NOL9: variants seen among roughly 807,000 people sequenced by gnomAD.
NOL9 encodes polynucleotide 5'-hydroxyl-kinase NOL9.
In NOL9, 28 loss-of-function variants were observed where a neutral mutation model predicts 67.9. That is an observed-to-expected ratio of 0.41 (90% CI 0.31 to 0.57). The LOEUF is 0.57. Ranked by LOEUF, NOL9 falls within the 20% of genes least tolerant of loss-of-function variation. The pLI, the probability that NOL9 is intolerant of heterozygous loss-of-function variation, is 0.25. For missense variants in NOL9, 777 were observed against 897.0 expected, an observed-to-expected ratio of 0.87 and a Z score of 1.71; for synonymous variants, 356 against 352.2, an observed-to-expected ratio of 1.01 and a Z score of -0.12.
intron 7 of NOL9, 56 bp downstream of exon 7, chr1:6,533,224 C>G (rs1639073939): frequency 6.7e-7 from 1 of 1,485,712 alleles, no homozygotes. Context: ...ATGTCTGAAA[C>G]CAACAGTACT....
Position 6,541,010 on chromosome 1 carries a change from C to CTTTTTTTTTTTTTTTTTTTTTTT in NOL9, c.1075+819_1075+820insAAAAAAAAAAAAAAAAAAAAAAA, listed in dbSNP as rs1287698159. On this transcript the variant is annotated intron_variant, in intron 6 of 11. Transcript: ENST00000377705. ...ATAAAATCTGTAGACTGGTTAACAGCGTTTTTTTTTTTTTTTTTTTTTTTG... is the reference window on the plus strand; with the variant it reads ...ATAAAATCTGTAGACTGGTTAACAGCTTTTTTTTTTTTTTTTTTTTTTTGTTTTTTTTTTTTTTTTTTTTTTTG... The CTTTTTTTTTTTTTTTTTTTTTTT allele has an allele frequency of 5.7e-5, 7 of 123,092 alleles. 2 individuals are homozygous for CTTTTTTTTTTTTTTTTTTTTTTT. The highest frequency in any genetic ancestry group is 5.0e-5 in the Non-Finnish European group (3 of 60,462). The allele number at this position is 123,092 out of a possible 1,614,324, so 7.6% of individuals were successfully genotyped here.
At chr1:6,526,283 G>T (rs897184712) in intron 11 of NOL9, among the ~76,000 whole-genome samples, 2 of 152,148 alleles carry the variant, frequency 1.3e-5, no homozygotes, top group Non-Finnish European at 2.9e-5. Context: ...AGGGACACTG[G>T]AGGATGAGAA....
intron 7 of NOL9, 54 bp from the exon 8 acceptor site, chr1:6,532,814 C>G: frequency 6.8e-7 from 1 of 1,475,314 alleles, no homozygotes; most frequent in South Asian, 1.3e-5. Context: ...GTGACGCGCT[C>G]AAGAACAGTG....
At chr1:6,527,517 C>T (rs905092001) in intron 10 of NOL9, among the ~76,000 whole-genome samples, 13 of 150,194 alleles carry the variant, frequency 8.7e-5, no homozygotes, top group South Asian at 4.3e-4. Context: ...CATGGTGGCG[C>T]GCACCTGTAA....
intron 9 of NOL9, 145 bp downstream of exon 9, chr1:6,531,823 A>C: frequency 3.0e-6 from 2 of 670,458 alleles, no homozygotes; most frequent in South Asian, 1.8e-5. Context: ...TAAAGTGGGA[A>C]TAACGACACA....
chr1:6,548,595 C>T (rs1401582108), intron 3 of NOL9: 2 of 385,250 alleles, frequency 5.2e-6, no homozygotes, highest in Non-Finnish European at 1.0e-5. Flanking sequence ...GTGCTGAAGG[C>T]ACAAGCACAG....
chr1:6,541,792 C>T, intron 6 of NOL9, 38 bp downstream of exon 6: 1 of 1,320,858 alleles, frequency 7.6e-7, no homozygotes, highest in Non-Finnish European at 1.1e-6. Flanking sequence ...ATATGAATTT[C>T]ATAAAACCAA....
At chr1:6,531,502 C>A (rs1179021802) in intron 9 of NOL9, among the ~76,000 whole-genome samples, 3 of 152,070 alleles carry the variant, frequency 2.0e-5, no homozygotes, top group African/African-American at 7.2e-5. Context: ...TGTGAGCCAC[C>A]ACGCCCGGCT....
At chr1:6,551,329 C>T (rs1034597862) in intron 1 of NOL9, among the ~76,000 whole-genome samples, 1 of 151,936 alleles carries the variant, frequency 6.6e-6, no homozygotes, top group Non-Finnish European at 1.5e-5. Flanking sequence ...CCAGTAATCC[C>T]AGAACTCTGG....
rs764577701 is a variant in NOL9, at chr1:6,541,946, G to C, written c.978-19C>G. On this transcript the variant is annotated intron_variant, in intron 5 of 11. Transcript: ENST00000377705. ...GGGAAGACTGCAAATTTTTAAAAAA[G>C]AAAAAAGAAAGAAAATCCTAACTAG... 1 of 1,507,686 alleles carries C rather than the reference G, an allele frequency of 6.6e-7. No individual in the cohort carries two copies. Among genetic ancestry groups the C allele is most frequent in the Non-Finnish European group, 9.0e-7 (1 of 1,108,640 alleles). The allele number at this position is 1,507,686 out of a possible 1,614,324, so 93.4% of individuals were successfully genotyped here.
chr1:6,542,465 A>ATT (rs35794526), intron 5 of NOL9, among the ~76,000 whole-genome samples: 15 of 146,984 alleles, frequency 1.0e-4, no homozygotes, highest in Non-Finnish European at 1.3e-4. Context: ...GCCCAGCTGA[A>ATT]TTTTTTTTTT....
chr1:6,545,056 T>C lies in NOL9; in HGVS notation c.869A>G (p.Asn290Ser), dbSNP rs141437776. The C allele has an allele frequency of 1.7e-4, 277 of 1,614,170 alleles. 1 individual carries two copies. The highest frequency in any genetic ancestry group is 3.5e-4 in the Admixed American group (21 of 60,010). Residue 290 changes from asparagine to serine, a missense_variant, in exon 4 of 12, where the codon AAT (asparagine) becomes AGT (serine). By Grantham distance (46) the Asn-to-Ser change is conservative. Around this residue, in one of 2 missense-constraint regions of NOL9, gnomAD observed 413 missense variants for 552.6 expected, o/e 0.75. Coordinates refer to ENST00000377705, the MANE Select transcript of NOL9 (RefSeq NM_024654.5). ...TGTGTATTACTCACCACAGGAAACA[T>C]TGACTAACTCTTCCAGGGCTGAAAG... ...STLSALEELV[N>S]VSCEEVDGCP...
chr1:6,544,779 G>T (rs1396358553), intron 5 of NOL9, 47 bp downstream of exon 5: 1 of 1,595,006 alleles, frequency 6.3e-7, no homozygotes, highest in Admixed American at 1.7e-5. Flanking sequence ...CCCACTTCAT[G>T]ACAAAAACCT....
At chr1:6,543,634 C>G (rs929345835) in intron 5 of NOL9, among the ~76,000 whole-genome samples, 4 of 152,112 alleles carry the variant, frequency 2.6e-5, no homozygotes, top group Admixed American at 6.6e-5. Context: ...CAAAGTGCTG[C>G]GACTGCAGAT....
intron 3 of NOL9, among the ~76,000 whole-genome samples, chr1:6,549,026 G>A (rs1265547462): frequency 6.6e-6 from 1 of 152,114 alleles, no homozygotes; most frequent in Non-Finnish European, 1.5e-5. Context: ...AGGGTGCAGT[G>A]AGCCGAGAGA....
intron 5 of NOL9, among the ~76,000 whole-genome samples, chr1:6,543,130 G>A (rs889197942): frequency 2.0e-5 from 3 of 151,790 alleles, no homozygotes; most frequent in African/African-American, 4.8e-5. Flanking sequence ...CTGGGCTCAC[G>A]CAATCCTCCT....
chr1:6,542,615 G>A (rs1241027396), intron 5 of NOL9, among the ~76,000 whole-genome samples: 3 of 150,930 alleles, frequency 2.0e-5, no homozygotes, highest in East Asian at 2.0e-4. Flanking sequence ...GTGCCACCAC[G>A]CCCGGCTAAT....
At position 6,533,390 on chromosome 1, in the gene NOL9, T is replaced by C; in HGVS notation, c.1127A>G (p.Lys376Arg). Residue 376 changes from lysine to arginine, a missense_variant, in exon 7 of 12, where the codon AAA becomes AGA. Coordinates refer to ENST00000377705, the MANE Select transcript of NOL9 (RefSeq NM_024654.5). ...CTCATAGTTGTTTTTACAAGAAGGT[T>C]TCCCATAATATACCATCTTCTGTGG... is the stretch of plus-strand genomic sequence containing the variant. ...RTPQKMVYYG[K>R]PSCKNNYENY... The C allele has an allele frequency of 4.3e-6, 7 of 1,613,222 alleles. No individual in the cohort carries two copies. Among genetic ancestry groups the C allele is most frequent in the Non-Finnish European group, 5.9e-6 (7 of 1,179,438 alleles).
At chr1:6,548,512 C>A in intron 3 of NOL9, 1 of 273,442 alleles carries the variant, frequency 3.7e-6, no homozygotes. Context: ...ACGGTGGTTC[C>A]ATGCGTGCTA....
Sources: allele counts gnomAD v4.1 joint callset (sites outside exome capture counted in the v4.1 genomes callset), GRCh38; gene constraint gnomAD v4.1.1; regional missense constraint gnomAD v4.1.1; transcripts MANE v1.5; gene names NCBI Gene and HGNC (gene_info 2026-07-23, HGNC 2026-07-21).